Variants in XKR4 observed in about 807,000 individuals in gnomAD.
XKR4 encodes the protein XK-related protein 4.
XKR4 carries 12 observed loss-of-function variants against 53.9 expected under a neutral mutation model. The ratio of observed to expected loss-of-function variants is 0.22; its 90% CI spans 0.14 to 0.36. XKR4 has a LOEUF of 0.36. Among genes scored for constraint, XKR4 ranks in the 10% least tolerant of loss-of-function variants. XKR4 has a pLI of 1.00. For synonymous variants in XKR4, 354 were observed against 362.4 expected (o/e 0.98, Z 0.26); for missense variants, 799 against 859.5 (o/e 0.93, Z 0.88).
At chr8:55,446,604 C>T (rs977721152) in intron 2 of XKR4, among the ~76,000 whole-genome samples, 1 of 152,170 alleles carries the variant, frequency 6.6e-6, no homozygotes, top group Non-Finnish European at 1.5e-5. Context: ...CCACCTCGGC[C>T]TCCCAAAGTG....
chr8:55,472,819 C>T (rs536212966), intron 2 of XKR4, among the ~76,000 whole-genome samples: 2 of 152,146 alleles, frequency 1.3e-5, no homozygotes, highest in South Asian at 2.1e-4. Context: ...GGTGAGGAAA[C>T]GGAGGCACCA....
intron 1 of XKR4, among the ~76,000 whole-genome samples, chr8:55,256,492 G>A (rs1475584090): frequency 6.6e-6 from 1 of 152,170 alleles, no homozygotes; most frequent in Non-Finnish European, 1.5e-5. Flanking sequence ...TAGTAATTTG[G>A]GAAACATTTA....
At chr8:55,511,227 C>T (rs767640463) in intron 2 of XKR4, among the ~76,000 whole-genome samples, 1 of 152,126 alleles carries the variant, frequency 6.6e-6, no homozygotes, top group East Asian at 1.9e-4. Flanking sequence ...CCCTGAACCC[C>T]GCAGGCCAAG....
intron 2 of XKR4, chr8:55,452,258 T>C: frequency 3.1e-6 from 2 of 643,580 alleles, no homozygotes; most frequent in Non-Finnish European, 5.7e-6. Context: ...CGTCCTGCAA[T>C]AGCTGATCCA....
chr8:55,369,444 AG>A (rs1392959214), intron 2 of XKR4, among the ~76,000 whole-genome samples: 2 of 81,486 alleles, frequency 2.5e-5, no homozygotes, highest in Non-Finnish European at 4.7e-5. Context: ...GGGAAGGGAA[AG>A]GAGGAACGGG....
intron 1 of XKR4, among the ~76,000 whole-genome samples, chr8:55,300,968 C>A (rs1452353350): frequency 6.6e-6 from 1 of 151,988 alleles, no homozygotes. Context: ...TCTCACTGTT[C>A]TCATCAGACA....
chr8:55,182,060 T>C (rs989401748), intron 1 of XKR4, among the ~76,000 whole-genome samples: 13 of 152,220 alleles, frequency 8.5e-5, no homozygotes, highest in Non-Finnish European at 1.8e-4. Context: ...TATTCTTTTT[T>C]GAAGTGTCTA....
intron 1 of XKR4, among the ~76,000 whole-genome samples, chr8:55,235,868 C>T (rs1400402633): frequency 1.3e-5 from 2 of 152,180 alleles, no homozygotes; most frequent in Admixed American, 6.6e-5. Context: ...GCCTAGATAA[C>T]CAACTCACTT....
chr8:55,375,354 A>G (rs536768667), intron 2 of XKR4, among the ~76,000 whole-genome samples: 2 of 152,254 alleles, frequency 1.3e-5, no homozygotes, highest in Admixed American at 6.5e-5. Flanking sequence ...GAGCGCCCTC[A>G]GCCTCTGTCT....
At position 55,468,092 on chromosome 8, in the gene XKR4, T is replaced by A. The variant is rs537716686; in HGVS notation, c.1007-55189T>A. On this transcript the variant is annotated intron_variant, in intron 2 of 2. Coordinates refer to ENST00000327381, the MANE Select transcript of XKR4 (RefSeq NM_052898.2). The stretch of plus-strand genomic sequence containing the variant: ...AATCAAATAGGATTTCCAGTTTCCA[T>A]CACAGAAGACAGGAACTATAGAGTG... 1.2e-4 allele frequency among the ~76,000 whole-genome samples: 18 copies of A among 152,260 alleles called. No individual in the cohort carries two copies. In the South Asian group the frequency reaches 1.2e-3, roughly 11 times the overall value.
intron 1 of XKR4, among the ~76,000 whole-genome samples, chr8:55,201,173 G>A (rs1306045891): frequency 6.6e-6 from 1 of 152,176 alleles, no homozygotes; most frequent in African/African-American, 2.4e-5. Context: ...CTAGTTGAAA[G>A]CCTTGAAGAA....
At chr8:55,500,730 T>C (rs934295043) in intron 2 of XKR4, among the ~76,000 whole-genome samples, 30 of 152,176 alleles carry the variant, frequency 2.0e-4, no homozygotes, top group African/African-American at 7.0e-4. Context: ...ACACGCTAGG[T>C]GCTTTTGTAT....
intron 2 of XKR4, among the ~76,000 whole-genome samples, chr8:55,412,933 A>G (rs1804796438): frequency 6.6e-6 from 1 of 152,228 alleles, no homozygotes; most frequent in African/African-American, 2.4e-5. Context: ...TATGGCTTTG[A>G]TGAGAAAGTA....
chr8:55,455,395 C>G (rs1421470790), intron 2 of XKR4, among the ~76,000 whole-genome samples: 1 of 152,138 alleles, frequency 6.6e-6, no homozygotes, highest in African/African-American at 2.4e-5. Flanking sequence ...GCAAAGACTA[C>G]CTCCATCCTT....
At chr8:55,220,342 T>C (rs1336189110) in intron 1 of XKR4, among the ~76,000 whole-genome samples, 1 of 152,236 alleles carries the variant, frequency 6.6e-6, no homozygotes, top group Non-Finnish European at 1.5e-5. Context: ...TGGGCAATTA[T>C]ATTCCACAAG....
At chr8:55,381,634 G>T (rs947437942) in intron 2 of XKR4, among the ~76,000 whole-genome samples, 1 of 152,114 alleles carries the variant, frequency 6.6e-6, no homozygotes, top group African/African-American at 2.4e-5. Context: ...CCAGCCAATT[G>T]GGTGGAAGCC....
chr8:55,157,848 A>G (rs1816929035), intron 1 of XKR4, among the ~76,000 whole-genome samples: 1 of 151,688 alleles, frequency 6.6e-6, no homozygotes, highest in African/African-American at 2.4e-5. Flanking sequence ...TGCAAAGGAC[A>G]TGATCTCTCT....
Position 55,453,599 on chromosome 8 carries a change from G to C in XKR4, c.1007-69682G>C, listed in dbSNP as rs1192225318. On this transcript the variant is annotated intron_variant, in intron 2 of 2. Coordinates refer to ENST00000327381, the MANE Select transcript of XKR4 (RefSeq NM_052898.2). ...CCTCCTCCCAGCCTTCATGGCTAGG[G>C]GTGCACCTTGCATCTTGGCCTCAGC... The C allele has an allele frequency of 1.7e-5, 7 of 407,176 alleles. No homozygotes were observed. The East Asian group carries it at 4.3e-4, about 25-fold the overall frequency. 25.2% of individuals were successfully genotyped at this position (407,176 alleles called of 1,614,324 possible). A position where few individuals can be genotyped will look rare whatever the true frequency, so the allele number is the denominator to read the frequency against.
intron 1 of XKR4, among the ~76,000 whole-genome samples, chr8:55,330,381 T>C (rs1480813364): frequency 6.6e-6 from 1 of 152,066 alleles, no homozygotes; most frequent in Non-Finnish European, 1.5e-5. Flanking sequence ...TAGCAAGAAA[T>C]GTGGATTAAA....
Sources: allele counts gnomAD v4.1 joint callset (sites outside exome capture counted in the v4.1 genomes callset), GRCh38; gene constraint gnomAD v4.1.1; transcripts MANE v1.5; gene names NCBI Gene and HGNC (gene_info 2026-07-23, HGNC 2026-07-21).